WDR86: variants seen among roughly 807,000 people sequenced by gnomAD.
WDR86 encodes WD repeat-containing protein 86.
A neutral mutation model predicts 36.5 loss-of-function variants in WDR86; 30 were observed. That is an observed-to-expected ratio of 0.82 (90% CI 0.61 to 1.11). The LOEUF (loss-of-function observed/expected upper bound fraction) is 1.11, where lower values mean the gene tolerates loss of function less well. WDR86 is among the 50% of genes most tolerant of loss of function. The pLI is 0.00. For missense variants in WDR86, 545 were observed against 561.2 expected (o/e 0.97, Z 0.29); for synonymous variants, 255 against 252.9 (o/e 1.01, Z -0.08).
At chr7:151,394,077 C>G (rs139301256) in intron 3 of WDR86, among the ~76,000 whole-genome samples, 1 of 152,152 alleles carries the variant, frequency 6.6e-6, no homozygotes, top group Non-Finnish European at 1.5e-5. Context: ...GAAACCTGTG[C>G]GGACAGACCC....
chr7:151,393,132 T>C (rs1185964057), intron 3 of WDR86, among the ~76,000 whole-genome samples: 3 of 152,206 alleles, frequency 2.0e-5, no homozygotes, highest in East Asian at 3.9e-4. Flanking sequence ...TTCATACCCA[T>C]CAACATGTGT....
At chr7:151,376,747 C>A, downstream of WDR86, 2 of 1,598,392 alleles carry the variant, frequency 1.3e-6, no homozygotes, top group East Asian at 4.5e-5. Flanking sequence ...GCCTGCCTCC[C>A]GAGCTGCCGC....
chr7:151,383,501 G>C (rs1363443274), intron 4 of WDR86, among the ~76,000 whole-genome samples: 1 of 151,666 alleles, frequency 6.6e-6, no homozygotes, highest in African/African-American at 2.4e-5. Flanking sequence ...AATGTTTGTA[G>C]AGACAGGGTC....
intron 4 of WDR86, among the ~76,000 whole-genome samples, chr7:151,382,667 A>G (rs973544541): frequency 1.3e-5 from 2 of 152,206 alleles, no homozygotes; most frequent in Non-Finnish European, 2.9e-5. Flanking sequence ...GCTAGTCAGG[A>G]GGCCACACTG....
chr7:151,390,545 G>A lies in WDR86; in HGVS notation c.726+5231C>T, dbSNP rs1799349320. 2.0e-5 allele frequency among the ~76,000 whole-genome samples: 3 copies of A among 152,146 alleles called. No homozygotes were observed. The highest frequency in any genetic ancestry group is 7.2e-5 in the African/African-American group (3 of 41,424). Reference sequence around the variant, plus strand: ...TGAACAGAGAATTACCAAGTCATCCGCAGTCCCACTGGCAGGCATATACCC... The same window carrying A: ...TGAACAGAGAATTACCAAGTCATCCACAGTCCCACTGGCAGGCATATACCC... On this transcript the variant is annotated intron_variant, in intron 3 of 5. Transcript: ENST00000334493. This position sits in a 1 kb window ranked among gnomAD's most constrained non-coding sequence, Gnocchi z 4.5.
Position 151,400,102 on chromosome 7 carries a change from G to A in WDR86, c.303C>T (p.Asn101=). The A allele has an allele frequency of 1.9e-6, 3 of 1,591,486 alleles. No homozygotes were observed. The highest frequency in any genetic ancestry group is 1.3e-5 in the African/African-American group (1 of 74,344). ...QVYRGHTSIV[N]RILVANNQLF... ...CCCAAGCCCCCAGCCAGGCTGACCT[G>A]TTCACGATGGACGTGTGTCCTCGGT... The change falls in exon 2 of 6, where the codon AAC becomes AAT. Residue 101 remains asparagine, a splice_region_variant and synonymous_variant. Coordinates refer to ENST00000334493, the MANE Select transcript of WDR86 (RefSeq NM_198285.3).
downstream of WDR86, chr7:151,375,859 C>A: frequency 6.2e-7 from 1 of 1,609,604 alleles, no homozygotes; most frequent in Non-Finnish European, 8.5e-7. Flanking sequence ...TTCTGCTCAG[C>A]AATCCTCAGA....
chr7:151,372,432 C>T (rs535231168), downstream of WDR86, among the ~76,000 whole-genome samples: 32 of 152,332 alleles, frequency 2.1e-4, no homozygotes, highest in African/African-American at 6.5e-4. Flanking sequence ...TGCCCAGGTC[C>T]GCTGGCTGGC....
chr7:151,382,933 G>GCCTTGGGGAAAAGGGGTAGGAC (rs1798704747), intron 4 of WDR86, among the ~76,000 whole-genome samples: 1 of 151,974 alleles, frequency 6.6e-6, no homozygotes, highest in South Asian at 2.1e-4. Flanking sequence ...AGGGTGCTGG[G>GCCTTGGGGAAAAGGGGTAGGAC]CTACCTATCT....
chr7:151,389,059 T>G (rs887485305), intron 3 of WDR86, among the ~76,000 whole-genome samples: 11 of 152,064 alleles, frequency 7.2e-5, no homozygotes, highest in African/African-American at 2.4e-4. Flanking sequence ...AGAAATACAT[T>G]TCTATTATTT....
At chr7:151,393,756 C>T (rs902623832) in intron 3 of WDR86, among the ~76,000 whole-genome samples, 14 of 152,118 alleles carry the variant, frequency 9.2e-5, no homozygotes, top group African/African-American at 2.9e-4. Flanking sequence ...AAAGAGGCCT[C>T]GGATGCCCCC....
At position 151,381,612 on chromosome 7, in the gene WDR86, G is replaced by GC; in HGVS notation, c.1100dup (p.Cys368LeufsTer95). ...CCGGCTGCAGGGGCGCGGCGGCGCAGCCCACCTTGTTGCTGAAGAGCCGCG... is the reference window on the plus strand; with the variant it reads ...CCGGCTGCAGGGGCGCGGCGGCGCAGCCCCACCTTGTTGCTGAAGAGCCGCG... On this transcript the variant is annotated frameshift_variant, in exon 6 of 6. Transcript: ENST00000334493. LOFTEE classifies it high-confidence loss of function. This position sits in a 1 kb window ranked among gnomAD's most constrained non-coding sequence, Gnocchi z 4.8. 8 of 1,376,606 alleles carry GC rather than the reference G, an allele frequency of 5.8e-6. No homozygotes were observed. The highest frequency in any genetic ancestry group is 7.4e-6 in the Non-Finnish European group (8 of 1,075,944). 85.3% of individuals were successfully genotyped at this position (1,376,606 alleles called of 1,614,324 possible).
rs1801083116 is a variant in WDR86, at chr7:151,409,859, G to A, written c.-270C>T. 1 of 1,209,522 alleles carries A rather than the reference G, an allele frequency of 8.3e-7. No individual in the cohort carries two copies. The highest frequency in any genetic ancestry group is 3.6e-5 in the East Asian group (1 of 28,014). The allele number at this position is 1,209,522 out of a possible 1,614,324, so 74.9% of individuals were successfully genotyped here. A position where few individuals can be genotyped will look rare whatever the true frequency, so the allele number is the denominator to read the frequency against. On this transcript the variant is annotated 5_prime_UTR_variant, in exon 1 of 6. Coordinates refer to ENST00000334493, the MANE Select transcript of WDR86 (RefSeq NM_198285.3). This position sits in a 1 kb window ranked among gnomAD's most constrained non-coding sequence, Gnocchi z 5.2. ...AGAGTCCTGGGCGCGCGGGCAGAGAGAACCCCCTTCCCAGCACCGCTCGGA... is the reference window on the plus strand; with the variant it reads ...AGAGTCCTGGGCGCGCGGGCAGAGAAAACCCCCTTCCCAGCACCGCTCGGA...
At chr7:151,370,626 C>T in the WDR86 span, among the ~76,000 whole-genome samples, 10 of 152,026 alleles carry the variant, frequency 6.6e-5, no homozygotes, top group Admixed American at 2.0e-4. Context: ...ATGTGCCATG[C>T]TGGTGCGCTG....
chr7:151,409,571 C>G lies in WDR86; in HGVS notation c.19G>C (p.Ala7Pro). The change falls in exon 1 of 6, where the codon GCC becomes CCC. Residue 7 changes from alanine to proline, a missense_variant. Transcript: ENST00000334493. This position sits in a 1 kb window ranked among gnomAD's most constrained non-coding sequence, Gnocchi z 5.2. ...CGGTGGTCGGCGCAGACCCTCAGGG[C>G]CGACCCGCCGCCCCCCATCCCGCTG... Reference protein sequence around the residue: MGGGGSALRVCADHRGG... With the variant: MGGGGSPLRVCADHRGG... The G allele has an allele frequency of 7.1e-7, 1 of 1,417,902 alleles. No individual in the cohort carries two copies. The highest frequency in any genetic ancestry group is 1.5e-5 in the South Asian group (1 of 66,546). 87.8% of individuals were successfully genotyped at this position (1,417,902 alleles called of 1,614,324 possible).
chr7:151,400,444 C>T (rs944809259), intron 1 of WDR86, among the ~76,000 whole-genome samples: 12 of 152,206 alleles, frequency 7.9e-5, no homozygotes, highest in East Asian at 1.9e-4. Flanking sequence ...TACAGTGGCG[C>T]GATCTGGGCT....
chr7:151,376,666 C>T (rs754857275), downstream of WDR86: 9 of 1,611,278 alleles, frequency 5.6e-6, no homozygotes, highest in East Asian at 2.2e-5. Context: ...CACTCGTGGC[C>T]GAAGCTGCGC....
At chr7:151,382,584 C>T (rs911915523) in intron 4 of WDR86, among the ~76,000 whole-genome samples, 1 of 152,230 alleles carries the variant, frequency 6.6e-6, no homozygotes, top group Non-Finnish European at 1.5e-5. Context: ...ATCGCGGGGC[C>T]GCATCCCAGA....
chr7:151,400,273 T>C, intron 1 of WDR86, 32 bp from the exon 2 acceptor site: 1 of 1,529,914 alleles, frequency 6.5e-7, no homozygotes, highest in Non-Finnish European at 8.8e-7. Context: ...GATGTGAGCG[T>C]ACTGGGGATG....
Sources: allele counts gnomAD v4.1 joint callset (sites outside exome capture counted in the v4.1 genomes callset), GRCh38; gene constraint gnomAD v4.1.1; non-coding constraint Gnocchi (gnomAD v3.1); transcripts MANE v1.5; gene names NCBI Gene and HGNC (gene_info 2026-07-23, HGNC 2026-07-21).